PIK3C2G: variants seen among roughly 807,000 people sequenced by gnomAD.
PIK3C2G encodes the protein phosphatidylinositol 3-kinase C2 domain-containing subunit gamma.
A neutral mutation model predicts 181.1 loss-of-function variants in PIK3C2G; 168 were observed. That is an observed-to-expected ratio of 0.93 (90% confidence interval 0.82 to 1.05). PIK3C2G has a LOEUF of 1.05. Among genes scored for constraint, PIK3C2G ranks in the 50% least tolerant of loss-of-function variants. The pLI is 0.00. For synonymous variants in PIK3C2G, 573 were observed against 592.2 expected (o/e 0.97, Z 0.47); for missense variants, 1,869 against 1,732.8 (o/e 1.08, Z -1.40).
chr12:18,585,885 C>A (rs1003943632), intron 29 of PIK3C2G, among the ~76,000 whole-genome samples: 5 of 152,040 alleles, frequency 3.3e-5, no homozygotes, highest in Non-Finnish European at 7.4e-5. Flanking sequence ...GAAATCAAGA[C>A]TAAAAATATT....
intron 18 of PIK3C2G, among the ~76,000 whole-genome samples, chr12:18,464,384 G>A (rs145761974): frequency 1.3e-5 from 2 of 152,086 alleles, no homozygotes; most frequent in African/African-American, 4.8e-5. Flanking sequence ...CAACACAATT[G>A]CATTAAACAT....
At chr12:18,342,223 G>C (rs1269073095) in intron 9 of PIK3C2G, among the ~76,000 whole-genome samples, 1 of 151,984 alleles carries the variant, frequency 6.6e-6, no homozygotes, top group African/African-American at 2.4e-5. Flanking sequence ...CTTATATGTA[G>C]TTGTTAAGAG....
intron 7 of PIK3C2G, among the ~76,000 whole-genome samples, chr12:18,322,297 A>G (rs941466246): frequency 2.6e-5 from 4 of 151,628 alleles, no homozygotes; most frequent in African/African-American, 9.7e-5. Context: ...CAGGAGAATC[A>G]CTTGAACCCA....
At chr12:18,641,700 G>A (rs903441056) in intron 32 of PIK3C2G, among the ~76,000 whole-genome samples, 3 of 146,766 alleles carry the variant, frequency 2.0e-5, no homozygotes, top group Non-Finnish European at 3.0e-5. Flanking sequence ...TAGGTAGGTT[G>A]CATCTGAATT....
At chr12:18,629,688 C>T (rs533062706) in intron 31 of PIK3C2G, among the ~76,000 whole-genome samples, 1 of 152,158 alleles carries the variant, frequency 6.6e-6, no homozygotes, top group Non-Finnish European at 1.5e-5. Context: ...TTGAGACAAG[C>T]AGACTTTGAC....
At chr12:18,623,224 G>A (rs1948942414) in intron 31 of PIK3C2G, among the ~76,000 whole-genome samples, 1 of 151,710 alleles carries the variant, frequency 6.6e-6, no homozygotes, top group Admixed American at 6.6e-5. Context: ...TTTTATGTAT[G>A]GTGTGAGATA....
intron 18 of PIK3C2G, among the ~76,000 whole-genome samples, chr12:18,428,379 G>T (rs902104835): frequency 2.0e-5 from 3 of 149,994 alleles, no homozygotes; most frequent in African/African-American, 7.3e-5. Flanking sequence ...GAGTTTATGA[G>T]ATTTTTTTTC....
intron 28 of PIK3C2G, among the ~76,000 whole-genome samples, chr12:18,564,413 A>C (rs1426892924): frequency 6.6e-6 from 1 of 151,020 alleles, no homozygotes; most frequent in Non-Finnish European, 1.5e-5. Flanking sequence ...TTTATACTTT[A>C]CCTGGCATAC....
intron 32 of PIK3C2G, among the ~76,000 whole-genome samples, chr12:18,647,023 G>A (rs1282500270): frequency 1.2e-4 from 18 of 151,756 alleles, no homozygotes; most frequent in Non-Finnish European, 1.5e-5. Context: ...ACATCAAAAT[G>A]TTAACTGTAA....
the PIK3C2G span, among the ~76,000 whole-genome samples, chr12:18,668,083 A>G: frequency 2.7e-4 from 41 of 152,330 alleles, no homozygotes; most frequent in East Asian, 7.3e-3. Flanking sequence ...GCGTAATTAT[A>G]CTAAAAGAGT....
intron 18 of PIK3C2G, among the ~76,000 whole-genome samples, chr12:18,468,964 T>C (rs1004713025): frequency 1.3e-5 from 2 of 152,030 alleles, no homozygotes; most frequent in African/African-American, 4.8e-5. Context: ...ATGACTAAAA[T>C]ATATCTTAGG....
chr12:18,364,490 AT>A (rs757394588), intron 12 of PIK3C2G, among the ~76,000 whole-genome samples: 12 of 151,112 alleles, frequency 7.9e-5, no homozygotes, highest in South Asian at 2.1e-4. Context: ...TAATACAAAG[AT>A]TTTTTTTTTA....
At chr12:18,694,695 A>C in the PIK3C2G span, among the ~76,000 whole-genome samples, 1 of 152,166 alleles carries the variant, frequency 6.6e-6, no homozygotes, top group Non-Finnish European at 1.5e-5. Context: ...TCAATATGTC[A>C]ATTCACAGGC....
At chr12:18,540,023 A>G (rs57441522) in intron 25 of PIK3C2G, among the ~76,000 whole-genome samples, 5,093 of 151,812 alleles carry the variant, frequency 0.034, 79 homozygotes, top group Middle Eastern at 0.065. Context: ...AAAACCCTAT[A>G]AGGATTAAGT....
the PIK3C2G span, chr12:18,692,858 T>G: frequency 3.1e-6 from 5 of 1,599,968 alleles, no homozygotes; most frequent in African/African-American, 6.7e-5. Context: ...AATATGAACC[T>G]CCTGTACCAA....
chr12:18,363,539 T>C (rs1169924869), intron 12 of PIK3C2G, among the ~76,000 whole-genome samples: 1 of 152,050 alleles, frequency 6.6e-6, no homozygotes, highest in East Asian at 1.9e-4. Context: ...CCATGGTTAC[T>C]GCTGCATTTC....
intron 18 of PIK3C2G, among the ~76,000 whole-genome samples, chr12:18,443,575 A>AC (rs1408108787): frequency 2.0e-5 from 3 of 151,982 alleles, no homozygotes; most frequent in Non-Finnish European, 4.4e-5. Flanking sequence ...TCACCGAAAA[A>AC]CTCCTTCTAT....
intron 19 of PIK3C2G, among the ~76,000 whole-genome samples, chr12:18,488,970 T>C (rs1940312224): frequency 6.6e-6 from 1 of 152,074 alleles, no homozygotes; most frequent in Non-Finnish European, 1.5e-5. Flanking sequence ...CATGAGAAGT[T>C]TTAGGGCACG....
At chr12:18,560,030 AG>A (rs1376622139) in intron 26 of PIK3C2G, among the ~76,000 whole-genome samples, 1 of 151,250 alleles carries the variant, frequency 6.6e-6, no homozygotes. Flanking sequence ...TTTTTAGTAG[AG>A]ATGGGGTTTC....
Sources: gnomAD v4.1 joint callset for allele counts (sites outside exome capture counted in the v4.1 genomes callset) on GRCh38, gnomAD v4.1.1 for gene constraint, MANE v1.5 for transcripts, NCBI Gene and HGNC (gene_info 2026-07-23, HGNC 2026-07-21) for gene names.